MDN1: variants seen among roughly 807,000 people sequenced by gnomAD.
MDN1 encodes midasin AAA ATPase 1.
A neutral mutation model predicts 669.2 loss-of-function variants in MDN1; 266 were observed. The observed-to-expected ratio is 0.40, with a 90% CI of 0.36 to 0.44. The LOEUF (loss-of-function observed/expected upper bound fraction) is 0.44, where lower values mean the gene tolerates loss of function less well. Among genes scored for constraint, MDN1 ranks in the 20% least tolerant of loss-of-function variants. MDN1 has a pLI of 1.00. For synonymous variants in MDN1, 2,385 were observed against 2,457.1 expected (o/e 0.97, Z 0.87); for missense variants, 5,940 against 6,754.0 (o/e 0.88, Z 4.22).
Position 89,745,374 on chromosome 6 carries a change from G to T in MDN1, c.4077C>A (p.Asn1359Lys). 4 of 1,614,000 alleles carry T rather than the reference G, an allele frequency of 2.5e-6. No individual in the cohort carries two copies. The highest frequency in any genetic ancestry group is 3.4e-6 in the Non-Finnish European group (4 of 1,179,972). Residue 1359 changes from asparagine (N) to lysine (K), a missense_variant, in exon 29 of 102, where the codon AAC becomes AAA. This residue lies in a region of MDN1 where 2,292 missense variants were observed against 2,638.3 expected (regional missense o/e 0.87). Coordinates refer to ENST00000369393, the MANE Select transcript of MDN1 (RefSeq NM_014611.3). ...CCTCAGTCCACACGATATGGCCAAA[G>T]TTACACTCCAATGTGGATATCTGAG... ...LSTQISTLEC[N>K]FGHIVWTEGM... is the part of the protein sequence containing the mutation.
intron 1 of MDN1, among the ~76,000 whole-genome samples, chr6:89,806,468 G>A (rs1768029408): frequency 6.6e-6 from 1 of 152,148 alleles, no homozygotes; most frequent in Admixed American, 6.6e-5. Flanking sequence ...TATAAACCCA[G>A]CACTTTGGGA....
At chr6:89,666,228 A>C (rs1473533915) in intron 84 of MDN1, among the ~76,000 whole-genome samples, 1 of 152,216 alleles carries the variant, frequency 6.6e-6, no homozygotes, top group African/African-American at 2.4e-5. Context: ...TTTAAACAAA[A>C]AAGAGATCAT....
At chr6:89,709,764 C>T (rs1008129513) in intron 50 of MDN1, among the ~76,000 whole-genome samples, 2 of 152,156 alleles carry the variant, frequency 1.3e-5, no homozygotes, top group African/African-American at 4.8e-5. Flanking sequence ...TTGTGCCAAT[C>T]AAGTTAATAT....
chr6:89,758,132 G>GTGGGAGT, intron 19 of MDN1, 123 bp downstream of exon 19: 2 of 700,426 alleles, frequency 2.9e-6, no homozygotes, highest in South Asian at 3.7e-5. Flanking sequence ...GAGGTGGGAG[G>GTGGGAGT]TGGGAGGACT....
intron 1 of MDN1, 32 bp downstream of exon 1, chr6:89,819,474 T>C (rs1192855416): frequency 6.3e-7 from 1 of 1,588,826 alleles, no homozygotes; most frequent in Non-Finnish European, 8.6e-7. Context: ...ACCCAGTCGT[T>C]CCGGCGCTTT....
chr6:89,664,131 A>G (rs1372015996), intron 85 of MDN1, among the ~76,000 whole-genome samples: 2 of 152,016 alleles, frequency 1.3e-5, no homozygotes, highest in African/African-American at 4.8e-5. Context: ...AACACCTACT[A>G]TTTTTCTAAT....
chr6:89,789,713 T>G, intron 7 of MDN1, 67 bp downstream of exon 7: 2 of 1,505,694 alleles, frequency 1.3e-6, no homozygotes, highest in Non-Finnish European at 1.8e-6. Context: ...AGAATCACTA[T>G]TAACAAAATG....
chr6:89,694,564 G>A (rs182718753), intron 61 of MDN1, among the ~76,000 whole-genome samples: 1 of 152,262 alleles, frequency 6.6e-6, no homozygotes, highest in East Asian at 1.9e-4. Flanking sequence ...TCTTTTTTAA[G>A]ACAAGGTCTC....
At chr6:89,807,597 T>G (rs1372441162) in intron 1 of MDN1, among the ~76,000 whole-genome samples, 1 of 152,230 alleles carries the variant, frequency 6.6e-6, no homozygotes, top group East Asian at 1.9e-4. Context: ...TATGAGTTTT[T>G]GGGATCTGTG....
chr6:89,754,085 C>G lies in MDN1; in HGVS notation c.2962G>C (p.Glu988Gln). 1.9e-6 allele frequency: 3 copies of G among 1,613,708 alleles called. No homozygotes were observed. Among genetic ancestry groups the G allele is most frequent in the Middle Eastern group, 1.7e-4 (1 of 6,026 alleles). Residue 988 changes from glutamate (E) to glutamine (Q), a missense_variant and splice_region_variant, in exon 21 of 102, where the codon GAG becomes CAG. Glu to Gln is a conservative substitution (Grantham distance 29). This residue lies in a region of MDN1 where 1,203 missense variants were observed against 1,268.9 expected (regional missense o/e 0.95). Transcript: ENST00000369393. ...AGTCAAAGAGACTTCAGAAAGACCTCATAGAGTGAGCGCTGAATGTTGCCA... is the reference window on the plus strand; with the variant it reads ...AGTCAAAGAGACTTCAGAAAGACCTGATAGAGTGAGCGCTGAATGTTGCCA... ...PCGNIQRSLY[E>Q]GFCLGFLTQL... is the part of the protein sequence containing the mutation.
At chr6:89,744,925 A>C (rs78649003) in intron 29 of MDN1, among the ~76,000 whole-genome samples, 21,896 of 151,396 alleles carry the variant, frequency 0.14, 1,777 homozygotes, top group South Asian at 0.29. Flanking sequence ...TTAACAAAGA[A>C]CCTAGTCTGA....
intron 12 of MDN1, among the ~76,000 whole-genome samples, chr6:89,776,288 C>G (rs770954140): frequency 1.3e-5 from 2 of 151,932 alleles, no homozygotes; most frequent in African/African-American, 4.8e-5. Context: ...ATGGAGAAAC[C>G]CCATCTCTAC....
intron 21 of MDN1, 115 bp from the exon 22 acceptor site, chr6:89,753,737 A>G (rs1383497199): frequency 7.1e-6 from 6 of 848,118 alleles, no homozygotes; most frequent in Non-Finnish European, 9.7e-6. Flanking sequence ...ACTTTTAAAT[A>G]TAGTAAGGTG....
At chr6:89,758,762 A>C (rs1423502611) in intron 18 of MDN1, 54 bp downstream of exon 18, 15 of 1,590,898 alleles carry the variant, frequency 9.4e-6, no homozygotes, top group Non-Finnish European at 1.3e-5. Context: ...ATCTCACTCT[A>C]AAGTGGCCAC....
chr6:89,713,137 C>G lies in MDN1; in HGVS notation c.7218+11G>C. 6.2e-7 allele frequency: 1 copy of G among 1,602,912 alleles called. No homozygotes were observed. Among genetic ancestry groups the G allele is most frequent in the Non-Finnish European group, 8.5e-7 (1 of 1,176,502 alleles). ...TACAACTTAGAAACATTCTGCAATA[C>G]TTCATAGTACCTTCCGGTTTGCTGG... On this transcript the variant is annotated intron_variant, in intron 47 of 101. Coordinates refer to ENST00000369393, the MANE Select transcript of MDN1 (RefSeq NM_014611.3).
rs933034908 is a variant in MDN1 at position 89,729,255 on chromosome 6, T to C, written c.5141-116A>G. 6 of 770,284 alleles carry C rather than the reference T, an allele frequency of 7.8e-6. No homozygotes were observed. In the East Asian group the frequency reaches 1.6e-4, roughly 21 times the overall value. 47.7% of individuals were successfully genotyped at this position (770,284 alleles called of 1,614,324 possible). A position where few individuals can be genotyped will look rare whatever the true frequency, so the allele number is the denominator to read the frequency against. ...GGGTTATCAGTTAGTGAAATACCAT[T>C]TGCAGTGAAAATGTTCAATCCCTAT... On this transcript the variant is annotated intron_variant, in intron 35 of 101. Coordinates refer to ENST00000369393, the MANE Select transcript of MDN1 (RefSeq NM_014611.3).
intron 5 of MDN1, among the ~76,000 whole-genome samples, chr6:89,793,115 G>C (rs143818840): frequency 6.6e-6 from 1 of 152,152 alleles, no homozygotes; most frequent in Non-Finnish European, 1.5e-5. Flanking sequence ...CAAGCCATTC[G>C]TGGAAAGAAG....
chr6:89,747,185 G>A, intron 27 of MDN1, 144 bp downstream of exon 27: 1 of 899,862 alleles, frequency 1.1e-6, no homozygotes, highest in Non-Finnish European at 1.6e-6. Context: ...ACTTACAAAA[G>A]CTGTTAGAAC....
chr6:89,690,249 T>C (rs1307634333), intron 64 of MDN1, 106 bp from the exon 65 acceptor site: 4 of 1,152,372 alleles, frequency 3.5e-6, no homozygotes, highest in East Asian at 2.5e-5. Context: ...AAAAATGAAA[T>C]AGGACTAATA....
Sources: allele counts gnomAD v4.1 joint callset (sites outside exome capture counted in the v4.1 genomes callset), GRCh38; gene constraint gnomAD v4.1.1; regional missense constraint gnomAD v4.1.1; transcripts MANE v1.5; gene names NCBI Gene and HGNC (gene_info 2026-07-23, HGNC 2026-07-21).